Variants in CATSPERB observed in about 807,000 individuals in gnomAD.
CATSPERB encodes catsper channel auxiliary subunit beta, also known as cation channel sperm-associated auxiliary subunit beta.
A neutral mutation model predicts 128.3 loss-of-function variants in CATSPERB; 93 were observed. The ratio of observed to expected loss-of-function variants is 0.72; its 90% CI spans 0.61 to 0.86. The LOEUF (loss-of-function observed/expected upper bound fraction) is 0.86. Ranked by LOEUF, CATSPERB falls within the 40% of genes least tolerant of loss-of-function variation. The pLI is 0.00. For synonymous variants in CATSPERB, 381 were observed against 448.8 expected (o/e 0.85, Z 1.91); for missense variants, 1,153 against 1,329.5 (o/e 0.87, Z 2.06).
At chr14:91,639,292 A>G (rs1335375194) in intron 15 of CATSPERB, 42 bp from the exon 16 acceptor site, 4 of 1,563,816 alleles carry the variant, frequency 2.6e-6, no homozygotes, top group African/African-American at 1.4e-5. Context: ...CTGATGTAAC[A>G]GAAGTCGAAA....
At chr14:91,670,347 A>G (rs1895066323) in intron 13 of CATSPERB, among the ~76,000 whole-genome samples, 1 of 152,180 alleles carries the variant, frequency 6.6e-6, no homozygotes. Flanking sequence ...ATTATTTTAA[A>G]TGGGATCAGA....
At chr14:91,640,562 A>G (rs1894477244) in intron 15 of CATSPERB, among the ~76,000 whole-genome samples, 1 of 99,548 alleles carries the variant, frequency 1.0e-5, no homozygotes, top group Non-Finnish European at 2.0e-5. Flanking sequence ...TGTCCCTACA[A>G]AGGACATGAA....
intron 23 of CATSPERB, among the ~76,000 whole-genome samples, chr14:91,591,055 AT>A (rs1413730693): frequency 6.6e-6 from 1 of 150,750 alleles, no homozygotes; most frequent in Non-Finnish European, 1.5e-5. Context: ...CCAACTGCAT[AT>A]TTGTTTTTTT....
chr14:91,616,623 T>C (rs573180191), intron 20 of CATSPERB, among the ~76,000 whole-genome samples: 14 of 152,330 alleles, frequency 9.2e-5, no homozygotes, highest in African/African-American at 3.4e-4. Flanking sequence ...CTCATCTTTA[T>C]TCTATCACAA....
chr14:91,624,925 T>C lies in CATSPERB; in HGVS notation c.1825A>G (p.Lys609Glu), dbSNP rs1322576115. ...GFLSSVIAEMKEPFGLEEVNE... is the reference protein window; with the variant it reads ...GFLSSVIAEMEEPFGLEEVNE... ...ACTTCTTCTAATCCAAAGGGCTCTT[T>C]CATTTCTGCAATAACTGAGGACAAA... Residue 609 changes from lysine (K) to glutamate (E), a missense_variant, in exon 18 of 27, where the codon AAA becomes GAA. Transcript: ENST00000256343. 1 of 1,613,262 alleles carries C rather than the reference T, an allele frequency of 6.2e-7. No homozygotes were observed. Among genetic ancestry groups the C allele is most frequent in the East Asian group, 2.2e-5 (1 of 44,828 alleles).
At chr14:91,630,149 A>G (rs1367972490) in intron 17 of CATSPERB, among the ~76,000 whole-genome samples, 2 of 152,174 alleles carry the variant, frequency 1.3e-5, no homozygotes, top group Admixed American at 1.3e-4. Flanking sequence ...AGCATGCATC[A>G]CAGTTGATCA....
intron 6 of CATSPERB, among the ~76,000 whole-genome samples, chr14:91,705,617 G>A (rs550411341): frequency 5.9e-5 from 9 of 152,322 alleles, no homozygotes; most frequent in African/African-American, 2.2e-4. Context: ...ACAGGCTCTA[G>A]TTTGTGGGGC....
intron 7 of CATSPERB, among the ~76,000 whole-genome samples, chr14:91,694,794 T>C (rs970244163): frequency 6.6e-6 from 1 of 152,184 alleles, no homozygotes; most frequent in Non-Finnish European, 1.5e-5. Context: ...CCCCACCTTT[T>C]CTTGGTCATA....
chr14:91,637,917 A>G (rs1855365704), intron 16 of CATSPERB, among the ~76,000 whole-genome samples: 1 of 152,114 alleles, frequency 6.6e-6, no homozygotes, highest in Non-Finnish European at 1.5e-5. Flanking sequence ...CCTCCTGCTC[A>G]CATCATTCGC....
intron 19 of CATSPERB, 65 bp downstream of exon 19, chr14:91,621,543 A>G (rs1425405400): frequency 7.9e-7 from 1 of 1,259,758 alleles, no homozygotes; most frequent in Non-Finnish European, 1.1e-6. Context: ...ATCAAAGAGT[A>G]TATTTCACAT....
chr14:91,666,144 T>C (rs1254994949), intron 14 of CATSPERB, among the ~76,000 whole-genome samples: 1 of 152,214 alleles, frequency 6.6e-6, no homozygotes, highest in Non-Finnish European at 1.5e-5. Context: ...ACAAGGCATC[T>C]AGGTCGAAGG....
At chr14:91,586,571 A>AAGAGAGAGAGAGAGAGAGAG (rs35756131) in intron 26 of CATSPERB, among the ~76,000 whole-genome samples, 6 of 114,192 alleles carry the variant, frequency 5.3e-5, no homozygotes, top group African/African-American at 2.2e-4. Flanking sequence ...GAGAGAGAGA[A>AAGAGAGAGAGAGAGAGAGAG]AGAGAGAGAG....
At chr14:91,590,952 C>G (rs1893388236) in intron 23 of CATSPERB, among the ~76,000 whole-genome samples, 1 of 152,094 alleles carries the variant, frequency 6.6e-6, no homozygotes, top group East Asian at 1.9e-4. Flanking sequence ...AGCCCGGCCT[C>G]TAGATGTCTT....
chr14:91,615,770 G>C (rs1375967049), intron 20 of CATSPERB, among the ~76,000 whole-genome samples: 1 of 152,100 alleles, frequency 6.6e-6, no homozygotes, highest in African/African-American at 2.4e-5. Flanking sequence ...CTGGTACACA[G>C]ACATCTTTTT....
At chr14:91,650,125 T>A (rs1894678376) in intron 15 of CATSPERB, among the ~76,000 whole-genome samples, 1 of 152,178 alleles carries the variant, frequency 6.6e-6, no homozygotes, top group Admixed American at 6.5e-5. Context: ...GAAACCATAG[T>A]GGTCAATTGC....
At chr14:91,630,616 A>T (rs1894258584) in intron 17 of CATSPERB, among the ~76,000 whole-genome samples, 1 of 152,088 alleles carries the variant, frequency 6.6e-6, no homozygotes, top group Admixed American at 6.5e-5. Flanking sequence ...CTAACAGGCA[A>T]ATGCATCATC....
chr14:91,606,119 T>A (rs149277789), intron 22 of CATSPERB, among the ~76,000 whole-genome samples: 4,824 of 151,988 alleles, frequency 0.032, 245 homozygotes, highest in African/African-American at 0.11. Context: ...GAGGTTGCAG[T>A]GAGCCAAGAT....
At chr14:91,704,312 G>A (rs1282892290) in intron 7 of CATSPERB, among the ~76,000 whole-genome samples, 1 of 152,074 alleles carries the variant, frequency 6.6e-6, no homozygotes, top group East Asian at 1.9e-4. Context: ...TGGGATAAAT[G>A]AAATTAGGAG....
intron 20 of CATSPERB, among the ~76,000 whole-genome samples, 199 bp from the exon 21 acceptor site, chr14:91,610,876 T>C (rs981047675): frequency 6.6e-6 from 1 of 151,234 alleles, no homozygotes; most frequent in Non-Finnish European, 1.5e-5. Flanking sequence ...ACTGGTGTCA[T>C]CTTATAAGAA....
Sources: gnomAD v4.1 joint callset for allele counts (sites outside exome capture counted in the v4.1 genomes callset) on GRCh38, gnomAD v4.1.1 for gene constraint, MANE v1.5 for transcripts, NCBI Gene and HGNC (gene_info 2026-07-23, HGNC 2026-07-21) for gene names.